GIGYF1: variants seen among roughly 807,000 people sequenced by gnomAD.
GIGYF1 encodes GRB10-interacting GYF protein 1.
In GIGYF1, 84 loss-of-function variants were observed where a neutral mutation model predicts 147.1. The ratio of observed to expected loss-of-function variants is 0.57; its 90% CI spans 0.48 to 0.68. The LOEUF is 0.68. Ranked by LOEUF, GIGYF1 falls within the 30% of genes least tolerant of loss-of-function variation. The pLI, the probability that GIGYF1 is intolerant of heterozygous loss-of-function variation, is 0.00. For synonymous variants in GIGYF1, 752 were observed against 589.5 expected, an observed-to-expected ratio of 1.28 and a Z score of -3.99; for missense variants, 1,485 against 1,393.7, an observed-to-expected ratio of 1.07 and a Z score of -1.04.
chr7:100,683,391 G>T lies in GIGYF1; in HGVS notation c.2106C>A (p.Arg702=). 2 of 1,613,596 alleles carry T rather than the reference G, an allele frequency of 1.2e-6. No individual in the cohort carries two copies. The highest frequency in any genetic ancestry group is 1.3e-5 in the African/African-American group (1 of 75,062). ...ELRAKREEEE[R]KRREEKRRQQ... ...GGCGGCGCTTCTCCTCTCGACGCTTGCGTTCCTCTTCCTCCCGCTTCGCCC... is the reference window on the plus strand; with the variant it reads ...GGCGGCGCTTCTCCTCTCGACGCTTTCGTTCCTCTTCCTCCCGCTTCGCCC... Residue 702 remains arginine, a synonymous_variant, in exon 21 of 27, where the codon CGC becomes CGA. Transcript: ENST00000678049.
At chr7:100,683,253 G>A (rs771883212) in intron 21 of GIGYF1, 23 bp from the exon 22 acceptor site, 48 of 1,612,992 alleles carry the variant, frequency 3.0e-5, no homozygotes, top group Non-Finnish European at 4.1e-5. Context: ...CATGGTGAGG[G>A]GACCTGGCGA....
rs1245859354 is a variant in GIGYF1, at chr7:100,694,144, GGCGGCGC to G, written c.-1140_-1134del. ...CGCGAGGGTCCGGTCCCGGGGCGTGGGCGGCGCGCGGCGGGCGGGGGCCGGGGACGGC... is the reference window on the plus strand; with the variant it reads ...CGCGAGGGTCCGGTCCCGGGGCGTGGGCGGCGGGCGGGGGCCGGGGACGGC... On this transcript the variant is annotated 5_prime_UTR_variant, in exon 1 of 27. Coordinates refer to ENST00000678049, the MANE Select transcript of GIGYF1 (RefSeq NM_001375765.1). The G allele has an allele frequency of 9.5e-6, 1 of 105,690 alleles. No homozygotes were observed. Among genetic ancestry groups the G allele is most frequent in the Non-Finnish European group, 1.9e-5 (1 of 51,338 alleles). The allele number at this position is 105,690 out of a possible 1,614,324, so 6.5% of individuals were successfully genotyped here.
chr7:100,681,943 G>A lies in GIGYF1; in HGVS notation c.2976C>T (p.His992=), dbSNP rs986826854. 4 of 1,609,810 alleles carry A rather than the reference G, an allele frequency of 2.5e-6. No homozygotes were observed. The highest frequency in any genetic ancestry group is 1.7e-5 in the Admixed American group (1 of 60,000). Residue 992 remains histidine (H), a synonymous_variant, in exon 26 of 27, where the codon CAC becomes CAT. Coordinates refer to ENST00000678049, the MANE Select transcript of GIGYF1 (RefSeq NM_001375765.1). ...CCTCCCCGGGGCCGAGTTTGGTGCT[G>A]TGGTTGGCCTGGAAGGCCGTCTGCA... The part of the protein sequence containing the change: ...ASLQTAFQAN[H]STKLGPGEGS...
intron 9 of GIGYF1, 83 bp downstream of exon 9, chr7:100,686,923 C>A (rs1805407266): frequency 1.9e-6 from 3 of 1,605,430 alleles, no homozygotes; most frequent in Non-Finnish European, 2.6e-6. Flanking sequence ...GCCCCCAACA[C>A]CTCCGAAATA....
rs1805653481 is a variant in GIGYF1 at position 100,689,402 on chromosome 7, G to A, written c.-945C>T. On this transcript the variant is annotated 5_prime_UTR_variant, in exon 2 of 27. Transcript: ENST00000678049. The stretch of plus-strand genomic sequence containing the variant: ...CAGCCTGTTCCTCTAAGGGAGGATG[G>A]AGGGGACTTTCAGGAGGAGGCGCAT... The A allele has an allele frequency of 1.3e-5, 2 of 152,560 alleles. No individual in the cohort carries two copies. The highest frequency in any genetic ancestry group is 1.9e-4 in the East Asian group (1 of 5,184). The allele number at this position is 152,560 out of a possible 1,614,324, so 9.5% of individuals were successfully genotyped here.
At position 100,680,302 on chromosome 7, in the gene GIGYF1, G is replaced by A. The variant is rs1804610234; in HGVS notation, c.*1417C>T. 1 of 152,640 alleles carries A rather than the reference G, an allele frequency of 6.6e-6. No individual in the cohort carries two copies. The highest frequency in any genetic ancestry group is 2.4e-5 in the African/African-American group (1 of 41,416). The allele number at this position is 152,640 out of a possible 1,614,324, so 9.5% of individuals were successfully genotyped here. ...AGAAATACATTCATGGAGGGAGGCA[G>A]TGGCGAAGCCTTGCCCTAATACTGC... On this transcript the variant is annotated 3_prime_UTR_variant, in exon 27 of 27. Transcript: ENST00000678049.
In GIGYF1 at chr7:100,686,906, C is replaced by T. The variant is rs147313197; in HGVS notation, c.524-87G>A. 1.4e-5 allele frequency: 22 copies of T among 1,601,238 alleles called. No individual in the cohort carries two copies. The East Asian group carries it at 4.5e-4, about 32-fold the overall frequency. On this transcript the variant is annotated intron_variant, in intron 9 of 26. Coordinates refer to ENST00000678049, the MANE Select transcript of GIGYF1 (RefSeq NM_001375765.1). ...AAACGTTGGGGGGGCCAGCTCCAGGCCCTCCTGCCCCCAACACCTCCGAAA... is the reference window on the plus strand; with the variant it reads ...AAACGTTGGGGGGGCCAGCTCCAGGTCCTCCTGCCCCCAACACCTCCGAAA...
Position 100,686,722 on chromosome 7 carries a change from C to CTCCTCCTGT in GIGYF1, c.612_620dup (p.Gln205_Glu207dup). 6.2e-7 allele frequency: 1 copy of CTCCTCCTGT among 1,613,746 alleles called. No individual in the cohort carries two copies. Among genetic ancestry groups the CTCCTCCTGT allele is most frequent in the Non-Finnish European group, 8.5e-7 (1 of 1,179,964 alleles). ...CGAGCCTCCAGCTGCCCTCCTCCTC[C>CTCCTCCTGT]TCCTCCTGTTCCTCCCGTAGGGAGC... On this transcript the variant is annotated inframe_insertion, in exon 10 of 27. Transcript: ENST00000678049.
rs1804635348 is a variant in GIGYF1 at position 100,680,474 on chromosome 7, AC to A, written c.*1244del. ...GCAATAGAAGGGGCAGCCTCCTCTG[AC>A]CCAGGAGCCGCACACTTCTCTTCAC... On this transcript the variant is annotated 3_prime_UTR_variant, in exon 27 of 27. Coordinates refer to ENST00000678049, the MANE Select transcript of GIGYF1 (RefSeq NM_001375765.1). The A allele has an allele frequency of 6.6e-6, 1 of 152,566 alleles. No individual in the cohort carries two copies. The highest frequency in any genetic ancestry group is 1.5e-5 in the Non-Finnish European group (1 of 68,042). The allele number at this position is 152,566 out of a possible 1,614,324, so 9.5% of individuals were successfully genotyped here. A position where few individuals can be genotyped will look rare whatever the true frequency, so the allele number is the denominator to read the frequency against.
intron 1 of GIGYF1, among the ~76,000 whole-genome samples, chr7:100,690,608 C>A (rs1003058585): frequency 6.6e-6 from 1 of 152,034 alleles, no homozygotes; most frequent in Non-Finnish European, 1.5e-5. Context: ...GTGGCAAAAC[C>A]CTGTCTCTAC....
In GIGYF1 at chr7:100,681,595, GT is replaced by G; in HGVS notation, c.*123del. 1.3e-6 allele frequency: 1 copy of G among 791,810 alleles called. No homozygotes were observed. Among genetic ancestry groups the G allele is most frequent in the Admixed American group, 3.3e-5 (1 of 30,214 alleles). 49.0% of individuals were successfully genotyped at this position (791,810 alleles called of 1,614,324 possible). A position where few individuals can be genotyped will look rare whatever the true frequency, so the allele number is the denominator to read the frequency against. On this transcript the variant is annotated 3_prime_UTR_variant, in exon 27 of 27. Coordinates refer to ENST00000678049, the MANE Select transcript of GIGYF1 (RefSeq NM_001375765.1). ...AAGGTGCATCGTGTGTTTGTAACAA[GT>G]GCTGGGGACCCCGCCCCTGCCTCTT...
rs748509922 is a variant in GIGYF1 at position 100,682,571 on chromosome 7, C to A, written c.2600+19G>T. ...TTCCCCCTCAGGGCCATCCCGGAGCCTCCAGGTGCCACGCCCACCTGAGAG... is the reference window on the plus strand; with the variant it reads ...TTCCCCCTCAGGGCCATCCCGGAGCATCCAGGTGCCACGCCCACCTGAGAG... On this transcript the variant is annotated intron_variant, in intron 23 of 26. Transcript: ENST00000678049. 1.3e-6 allele frequency: 2 copies of A among 1,591,944 alleles called. No homozygotes were observed. The highest frequency in any genetic ancestry group is 1.7e-6 in the Non-Finnish European group (2 of 1,172,620).
chr7:100,684,195 C>T (rs975715553), intron 17 of GIGYF1, 38 bp from the exon 18 acceptor site: 6 of 1,609,436 alleles, frequency 3.7e-6, no homozygotes, highest in Non-Finnish European at 5.1e-6. Context: ...GCCACAGAGC[C>T]AGCGCCGGGC....
rs1453770870 is a variant in GIGYF1 at position 100,687,295 on chromosome 7, C to T, written c.482+3G>A. 3 of 1,611,898 alleles carry T rather than the reference C, an allele frequency of 1.9e-6. No individual in the cohort carries two copies. The highest frequency in any genetic ancestry group is 1.3e-5 in the African/African-American group (1 of 75,010). On this transcript the variant is annotated splice_donor_region_variant and intron_variant, in intron 8 of 26. Transcript: ENST00000678049. ...TCTGCGCCATGCCCCCTCCCCGCCC[C>T]ACCTGTCATCCCAGCTCTGGCTGCG...
chr7:100,686,902 C>A (rs1805404763), intron 9 of GIGYF1, 83 bp from the exon 10 acceptor site: 2 of 1,600,192 alleles, frequency 1.2e-6, no homozygotes, highest in Non-Finnish European at 1.7e-6. Context: ...GGGCCAGCTC[C>A]AGGCCCTCCT....
rs908396876 is a variant in GIGYF1, at chr7:100,688,673, T to A, written c.-216A>T. On this transcript the variant is annotated 5_prime_UTR_variant, in exon 2 of 27. Transcript: ENST00000678049. The stretch of plus-strand genomic sequence containing the variant: ...GTACCCAAGCCACTGGGAATTGGTC[T>A]GACCTCAGTAGAGCCTGGGAGGGAC... The A allele has an allele frequency of 7.7e-6, 3 of 388,132 alleles. No individual in the cohort carries two copies. Among genetic ancestry groups the A allele is most frequent in the South Asian group, 5.8e-5 (3 of 51,992 alleles). 24.0% of individuals were successfully genotyped at this position (388,132 alleles called of 1,614,324 possible). A position where few individuals can be genotyped will look rare whatever the true frequency, so the allele number is the denominator to read the frequency against.
chr7:100,685,284 G>A, intron 13 of GIGYF1, 60 bp downstream of exon 13: 1 of 1,542,358 alleles, frequency 6.5e-7, no homozygotes. Context: ...CCCACGAGTG[G>A]GGAGCACTTT....
intron 1 of GIGYF1, among the ~76,000 whole-genome samples, chr7:100,693,048 G>A (rs1165198382): frequency 1.3e-5 from 2 of 152,130 alleles, no homozygotes; most frequent in African/African-American, 2.4e-5. Context: ...TAGACTCGAA[G>A]AGGCAGTGCA....
In GIGYF1 at chr7:100,681,519, A is replaced by G. The variant is rs1437843424; in HGVS notation, c.*200T>C. On this transcript the variant is annotated 3_prime_UTR_variant, in exon 27 of 27. Transcript: ENST00000678049. ...CGTTTAAAATTAAAAAAAAAAATAA[A>G]AAGAAAAACCCCCTCCCCCAGTCTG... 9.4e-6 allele frequency: 4 copies of G among 424,822 alleles called. No homozygotes were observed. The highest frequency in any genetic ancestry group is 1.6e-5 in the Non-Finnish European group (4 of 242,740). The allele number at this position is 424,822 out of a possible 1,614,324, so 26.3% of individuals were successfully genotyped here. A position where few individuals can be genotyped will look rare whatever the true frequency, so the allele number is the denominator to read the frequency against.
Sources: gnomAD v4.1 joint callset for allele counts (sites outside exome capture counted in the v4.1 genomes callset) on GRCh38, gnomAD v4.1.1 for gene constraint, MANE v1.5 for transcripts, NCBI Gene and HGNC (gene_info 2026-07-23, HGNC 2026-07-21) for gene names.